The following GRAMD1C variants were observed in gnomAD, a reference collection of about 807,000 sequenced individuals.
GRAMD1C encodes GRAM domain containing 1C.
Under a neutral mutation model 97.8 loss-of-function variants are expected in GRAMD1C, and 89 were observed. The observed-to-expected ratio is 0.91, with a 90% CI of 0.77 to 1.09. The LOEUF (loss-of-function observed/expected upper bound fraction) is 1.09, where lower values mean the gene tolerates loss of function less well. Ranked by LOEUF, GRAMD1C falls within the 50% of genes least tolerant of loss-of-function variation. The pLI, the probability that GRAMD1C is intolerant of heterozygous loss-of-function variation, is 0.00. For missense variants in GRAMD1C, 740 were observed against 766.4 expected, an observed-to-expected ratio of 0.97 and a Z score of 0.41; for synonymous variants, 256 against 267.0, an observed-to-expected ratio of 0.96 and a Z score of 0.40.
At chr3:113,893,783 C>T (rs369979724) in intron 6 of GRAMD1C, among the ~76,000 whole-genome samples, 216 of 152,284 alleles carry the variant, frequency 1.4e-3, no homozygotes, top group African/African-American at 5.0e-3. Context: ...TTATACATTA[C>T]GTGTAACAGA....
At chr3:113,888,128 A>G (rs1559796382) in intron 6 of GRAMD1C, among the ~76,000 whole-genome samples, 1 of 152,328 alleles carries the variant, frequency 6.6e-6, no homozygotes, top group African/African-American at 2.4e-5. Flanking sequence ...AACTTTATCT[A>G]TGAGTACAGT....
chr3:113,907,625 A>G (rs1936416864), intron 8 of GRAMD1C, among the ~76,000 whole-genome samples: 1 of 152,244 alleles, frequency 6.6e-6, no homozygotes, highest in African/African-American at 2.4e-5. Context: ...GGAAATAACA[A>G]AAAGTCAAAA....
At chr3:113,870,974 GACACAC>G (rs550859238) in intron 3 of GRAMD1C, among the ~76,000 whole-genome samples, 150 of 76,278 alleles carry the variant, frequency 2.0e-3, no homozygotes, top group African/African-American at 7.1e-3. Flanking sequence ...ATAAATAAAA[GACACAC>G]ACACACACAC....
chr3:113,843,849 C>G (rs576610981), intron 1 of GRAMD1C, among the ~76,000 whole-genome samples: 1 of 152,188 alleles, frequency 6.6e-6, no homozygotes, highest in Non-Finnish European at 1.5e-5. Flanking sequence ...GAGGTTATTT[C>G]CACTTTCATA....
chr3:113,864,117 T>A (rs1320386297), intron 2 of GRAMD1C, among the ~76,000 whole-genome samples: 3 of 152,154 alleles, frequency 2.0e-5, no homozygotes, highest in Non-Finnish European at 4.4e-5. Context: ...GCCTAGATAC[T>A]TTATTTTAAT....
chr3:113,857,415 G>A (rs1345599762), intron 2 of GRAMD1C, among the ~76,000 whole-genome samples: 5 of 145,706 alleles, frequency 3.4e-5, no homozygotes, highest in Admixed American at 7.0e-5. Context: ...TTGCTCTGTC[G>A]CCCAGGCTGG....
At chr3:113,886,782 T>G (rs1442632888) in intron 6 of GRAMD1C, among the ~76,000 whole-genome samples, 28 of 130,274 alleles carry the variant, frequency 2.1e-4, no homozygotes, top group African/African-American at 7.2e-4. Flanking sequence ...TGCTTGTTTT[T>G]TTTTTTTTTT....
At chr3:113,842,157 T>C (rs2108068231) in intron 1 of GRAMD1C, among the ~76,000 whole-genome samples, 1 of 152,350 alleles carries the variant, frequency 6.6e-6, no homozygotes, top group Middle Eastern at 3.4e-3. Flanking sequence ...ATAGTTCTGA[T>C]GGTTAAAGTG....
rs1937599929 is a variant in GRAMD1C at position 113,937,523 on chromosome 3, A to G, written c.1634-563A>G. On this transcript the variant is annotated intron_variant, in intron 14 of 17. Coordinates refer to ENST00000358160, the MANE Select transcript of GRAMD1C (RefSeq NM_017577.5). ...TGAATTGCTTGTTTAATTTTAGAGT[A>G]AAGTAATTTGCAATATAGGCCAAAT... is the stretch of plus-strand genomic sequence containing the variant. Among the ~76,000 whole-genome samples the G allele has an allele frequency of 2.0e-5, 3 of 152,208 alleles. No individual in the cohort carries two copies. The South Asian group carries it at 6.2e-4, about 31-fold the overall frequency.
At chr3:113,847,655 T>C (rs1358106844) in intron 2 of GRAMD1C, among the ~76,000 whole-genome samples, 1 of 152,220 alleles carries the variant, frequency 6.6e-6, no homozygotes, top group African/African-American at 2.4e-5. Context: ...AAAACAAATA[T>C]GATGGGGAAT....
At chr3:113,879,974 G>A (rs1261300750) in intron 5 of GRAMD1C, among the ~76,000 whole-genome samples, 1 of 151,990 alleles carries the variant, frequency 6.6e-6, no homozygotes, top group African/African-American at 2.4e-5. Flanking sequence ...GATTACCAGC[G>A]TGAGCCACCG....
chr3:113,915,637 CT>C, intron 9 of GRAMD1C, 63 bp from the exon 10 acceptor site: 3 of 1,400,750 alleles, frequency 2.1e-6, no homozygotes, highest in Non-Finnish European at 3.0e-6. Context: ...ACGAAACCCC[CT>C]AAAGCCTTAA....
chr3:113,844,893 C>A (rs1933543546), intron 2 of GRAMD1C: 1 of 343,476 alleles, frequency 2.9e-6, no homozygotes. Context: ...AACTACACCA[C>A]AGAAGTGGAT....
At chr3:113,891,575 T>A (rs1465617386) in intron 6 of GRAMD1C, among the ~76,000 whole-genome samples, 2 of 152,108 alleles carry the variant, frequency 1.3e-5, no homozygotes, top group East Asian at 3.9e-4. Context: ...AATAATACAT[T>A]TGATATATAT....
In GRAMD1C at chr3:113,920,804, A is replaced by G. The variant is rs535881985; in HGVS notation, c.1090+4966A>G. On this transcript the variant is annotated intron_variant, in intron 10 of 17. Transcript: ENST00000358160. ...GTGATCCACCTGCCTCGGCCTCCCA[A>G]GGTGCTGGGATTACAGCATGAGCCA... Among the ~76,000 whole-genome samples, 33 of 152,238 alleles carry G rather than the reference A, an allele frequency of 2.2e-4. No homozygotes were observed. In the South Asian group the frequency reaches 6.6e-3, roughly 31 times the overall value.
chr3:113,865,609 T>G (rs1007583223), intron 2 of GRAMD1C, among the ~76,000 whole-genome samples: 2 of 152,202 alleles, frequency 1.3e-5, no homozygotes, highest in Non-Finnish European at 2.9e-5. Context: ...AATTGGGGTC[T>G]TTGAGGACAG....
Position 113,838,878 on chromosome 3 carries a change from G to T in GRAMD1C, c.-32G>T. 1.6e-6 allele frequency: 2 copies of T among 1,229,274 alleles called. No homozygotes were observed. The highest frequency in any genetic ancestry group is 1.0e-6 in the Non-Finnish European group (1 of 984,450). The allele number at this position is 1,229,274 out of a possible 1,614,324, so 76.1% of individuals were successfully genotyped here. A position where few individuals can be genotyped will look rare whatever the true frequency, so the allele number is the denominator to read the frequency against. Reference sequence around the variant, plus strand: ...CGGGGCGGTGCGGTGCGGTGCGCGCGGGGCGGTGCCGCGGCGGCGGAGGGA... The same window carrying T: ...CGGGGCGGTGCGGTGCGGTGCGCGCTGGGCGGTGCCGCGGCGGCGGAGGGA... On this transcript the variant is annotated 5_prime_UTR_variant, in exon 1 of 18. Transcript: ENST00000358160.
chr3:113,945,332 A>G, intron 17 of GRAMD1C, 66 bp from the exon 18 acceptor site: 1 of 1,042,584 alleles, frequency 9.6e-7, no homozygotes, highest in Non-Finnish European at 1.5e-6. Flanking sequence ...TTGGGCATAA[A>G]AAACAGAAAT....
chr3:113,885,703 T>C (rs1361765639), intron 6 of GRAMD1C: 1 of 1,532,490 alleles, frequency 6.5e-7, no homozygotes, highest in South Asian at 1.1e-5. Flanking sequence ...AGCATGGAGA[T>C]CTATGGCTTT....
Sources: gnomAD v4.1 joint callset for allele counts (sites outside exome capture counted in the v4.1 genomes callset) on GRCh38, gnomAD v4.1.1 for gene constraint, MANE v1.5 for transcripts, NCBI Gene and HGNC (gene_info 2026-07-23, HGNC 2026-07-21) for gene names.